Variants in TANGO6 observed in about 807,000 individuals in gnomAD.
TANGO6 encodes the protein transport and Golgi organization protein 6 homolog.
TANGO6 carries 90 observed loss-of-function variants against 114.2 expected under a neutral mutation model. That is an observed-to-expected ratio of 0.79 (90% CI 0.66 to 0.94). TANGO6 has a LOEUF of 0.94. Ranked by LOEUF, TANGO6 falls within the 40% of genes least tolerant of loss-of-function variation. TANGO6 has a pLI of 0.00. For synonymous variants in TANGO6, 477 were observed against 509.8 expected (o/e 0.94, Z 0.87); for missense variants, 1,274 against 1,315.3 (o/e 0.97, Z 0.49).
At chr16:68,868,946 T>C (rs750700652) in intron 4 of TANGO6, among the ~76,000 whole-genome samples, 32 of 152,240 alleles carry the variant, frequency 2.1e-4, no homozygotes, top group Non-Finnish European at 4.4e-4. Flanking sequence ...CACATCTCCG[T>C]AATATATTTA....
chr16:68,976,074 A>G (rs1963763112), intron 15 of TANGO6, among the ~76,000 whole-genome samples: 1 of 152,080 alleles, frequency 6.6e-6, no homozygotes, highest in African/African-American at 2.4e-5. Context: ...AGCTGGGACT[A>G]GAGGTACATG....
intron 17 of TANGO6, among the ~76,000 whole-genome samples, chr16:69,067,368 G>A (rs1417665124): frequency 1.3e-5 from 2 of 151,624 alleles, no homozygotes; most frequent in African/African-American, 4.8e-5. Context: ...AAATTAGCCA[G>A]GCGTGTTGGC....
chr16:68,936,354 T>G (rs944898100), intron 14 of TANGO6, among the ~76,000 whole-genome samples: 1 of 152,198 alleles, frequency 6.6e-6, no homozygotes, highest in Non-Finnish European at 1.5e-5. Context: ...TTTCTTTTTT[T>G]GAGACAGAGT....
At chr16:69,046,935 G>A (rs1021615904) in intron 17 of TANGO6, among the ~76,000 whole-genome samples, 1 of 152,028 alleles carries the variant, frequency 6.6e-6, no homozygotes, top group Non-Finnish European at 1.5e-5. Flanking sequence ...CCAGCACTTT[G>A]TTTGGGAGGC....
chr16:69,071,868 T>TTTTACTCACACC (rs1960299919), intron 17 of TANGO6, among the ~76,000 whole-genome samples: 1 of 152,228 alleles, frequency 6.6e-6, no homozygotes, highest in African/African-American at 2.4e-5. Flanking sequence ...CAAGGCAGTC[T>TTTTACTCACACC]TTTACTCACA....
intron 9 of TANGO6, among the ~76,000 whole-genome samples, chr16:68,903,351 G>A (rs185099824): frequency 2.6e-5 from 4 of 152,278 alleles, no homozygotes; most frequent in Admixed American, 2.6e-4. Context: ...AGGCACGGTG[G>A]CTCACACCTG....
chr16:68,963,612 C>G (rs1390736319), intron 14 of TANGO6, among the ~76,000 whole-genome samples: 1 of 152,232 alleles, frequency 6.6e-6, no homozygotes, highest in Non-Finnish European at 1.5e-5. Context: ...CTAGTGCACA[C>G]ACATAGGTGC....
intron 17 of TANGO6, among the ~76,000 whole-genome samples, chr16:69,047,113 G>A (rs540228210): frequency 1.1e-4 from 17 of 151,210 alleles, no homozygotes; most frequent in African/African-American, 3.6e-4. Context: ...CCCAGGAGGT[G>A]GAGGCTGCAG....
intron 4 of TANGO6, 177 bp downstream of exon 4, chr16:68,867,397 A>G (rs930257640): frequency 1.4e-6 from 1 of 691,338 alleles, no homozygotes; most frequent in Non-Finnish European, 2.4e-6. Context: ...TTCCAAAGAA[A>G]CTAATTCTCT....
chr16:68,856,618 C>T (rs1047821717), intron 1 of TANGO6, among the ~76,000 whole-genome samples: 1 of 152,108 alleles, frequency 6.6e-6, no homozygotes, highest in East Asian at 1.9e-4. Flanking sequence ...ACCTAGTTTC[C>T]CCATTAACAT....
At chr16:69,059,827 C>T (rs1056585978) in intron 17 of TANGO6, among the ~76,000 whole-genome samples, 3 of 152,166 alleles carry the variant, frequency 2.0e-5, no homozygotes, top group Non-Finnish European at 4.4e-5. Context: ...TCCTGAGATG[C>T]AAATCTGCTA....
chr16:69,058,267 A>G (rs553432027), intron 17 of TANGO6, among the ~76,000 whole-genome samples: 8 of 152,316 alleles, frequency 5.3e-5, no homozygotes, highest in East Asian at 1.9e-4. Context: ...TTGTTTGCTC[A>G]TAGCAAATCT....
chr16:68,864,179 A>C (rs1962142946), intron 3 of TANGO6, among the ~76,000 whole-genome samples: 2 of 152,010 alleles, frequency 1.3e-5, no homozygotes, highest in South Asian at 4.1e-4. Flanking sequence ...CGTCTCAAAA[A>C]AAAAAAAAGT....
At chr16:69,013,675 G>A (rs1474738187) in intron 15 of TANGO6, among the ~76,000 whole-genome samples, 1 of 114,410 alleles carries the variant, frequency 8.7e-6, no homozygotes, top group African/African-American at 3.6e-5. Flanking sequence ...TTTTTTTTCC[G>A]AGACCAGGTC....
chr16:69,073,209 G>A (rs1049432377), intron 17 of TANGO6, among the ~76,000 whole-genome samples: 1 of 152,102 alleles, frequency 6.6e-6, no homozygotes, highest in African/African-American at 2.4e-5. Flanking sequence ...CCTTCTTTTT[G>A]TGATGGCCTG....
At chr16:68,930,906 G>A (rs1963231052) in intron 14 of TANGO6, among the ~76,000 whole-genome samples, 1 of 152,070 alleles carries the variant, frequency 6.6e-6, no homozygotes, top group Admixed American at 6.6e-5. Flanking sequence ...CAAAGTGCTG[G>A]GATTACAGGC....
At chr16:68,858,772 T>C (rs577608238) in intron 1 of TANGO6, among the ~76,000 whole-genome samples, 1 of 152,234 alleles carries the variant, frequency 6.6e-6, no homozygotes, top group African/African-American at 2.4e-5. Flanking sequence ...TGTCAGCCAC[T>C]GTGCCTGGTC....
At chr16:69,024,514 G>A (rs868418525) in intron 16 of TANGO6, among the ~76,000 whole-genome samples, 16 of 152,084 alleles carry the variant, frequency 1.1e-4, no homozygotes, top group South Asian at 4.1e-4. Context: ...TGATCTGCTC[G>A]CCTCGGCCTC....
intron 14 of TANGO6, among the ~76,000 whole-genome samples, chr16:68,948,627 T>TAGA (rs1188895619): frequency 1.3e-5 from 2 of 152,198 alleles, no homozygotes; most frequent in African/African-American, 4.8e-5. Flanking sequence ...GGAAAATTGT[T>TAGA]TCACTATATA....
Sources: allele counts gnomAD v4.1 joint callset (sites outside exome capture counted in the v4.1 genomes callset), GRCh38; gene constraint gnomAD v4.1.1; transcripts MANE v1.5; gene names NCBI Gene and HGNC (gene_info 2026-07-23, HGNC 2026-07-21).